ZNF654: variants seen among roughly 807,000 people sequenced by gnomAD.
ZNF654 encodes melanoma-associated antigen.
ZNF654 carries 19 observed loss-of-function variants against 95.3 expected under a neutral mutation model. The ratio of observed to expected loss-of-function variants is 0.20; its 90% CI spans 0.14 to 0.29. The LOEUF (loss-of-function observed/expected upper bound fraction) is 0.29. Ranked by LOEUF, ZNF654 falls within the 10% of genes least tolerant of loss-of-function variation. ZNF654 has a pLI of 1.00. For synonymous variants in ZNF654, 413 were observed against 457.9 expected, an observed-to-expected ratio of 0.90 and a Z score of 1.25; for missense variants, 1,046 against 1,341.0, an observed-to-expected ratio of 0.78 and a Z score of 3.44.
At chr3:88,125,711 T>C (rs1216266830) in intron 3 of ZNF654, among the ~76,000 whole-genome samples, 1 of 152,190 alleles carries the variant, frequency 6.6e-6, no homozygotes, top group Non-Finnish European at 1.5e-5. Context: ...AGAGAGACTT[T>C]ACATTTAGCA....
At chr3:88,130,592 A>C (rs1706393607) in intron 6 of ZNF654, among the ~76,000 whole-genome samples, 1 of 149,284 alleles carries the variant, frequency 6.7e-6, no homozygotes, top group South Asian at 2.1e-4. Context: ...CTGGGACTAC[A>C]GATGTGTGCA....
At chr3:88,133,650 C>A (rs887794891) in intron 6 of ZNF654, among the ~76,000 whole-genome samples, 2 of 152,014 alleles carry the variant, frequency 1.3e-5, no homozygotes, top group Admixed American at 1.3e-4. Context: ...GTTAGGAGTT[C>A]CTGAGATTCA....
chr3:88,129,777 GA>G lies in ZNF654; in HGVS notation c.846del (p.Glu282AspfsTer19). 6.5e-7 allele frequency: 1 copy of G among 1,527,726 alleles called. No homozygotes were observed. Among genetic ancestry groups the G allele is most frequent in the Non-Finnish European group, 8.8e-7 (1 of 1,141,202 alleles). 94.6% of individuals were successfully genotyped at this position (1,527,726 alleles called of 1,614,324 possible). ...AACTATGTTAGCCTTGCAACTCTGT[GA>G]ATCCTTTCTTATTCCACAGCTCCAG... ...GKTMLALQLC[E>X]SFLIPQLQNG... On this transcript the variant is annotated frameshift_variant, in exon 6 of 9. Transcript: ENST00000636215. LOFTEE classifies it high-confidence loss of function.
Position 88,086,360 on chromosome 3 carries a change from A to G in ZNF654, c.290A>G (p.Asp97Gly). 6.5e-7 allele frequency: 1 copy of G among 1,535,710 alleles called. No individual in the cohort carries two copies. The highest frequency in any genetic ancestry group is 8.7e-7 in the Non-Finnish European group (1 of 1,146,742). ...CFTTASASFP[D>G]ECEHVQYVLS... ...ACAACAGCCAGTGCATCATTCCCAG[A>G]TGAATGTGAGCATGTACAATATGTT... The change falls in exon 2 of 9, where the codon GAT becomes GGT. Residue 97 changes from aspartate to glycine, a missense_variant. This residue lies in a region of ZNF654 where 91 missense variants were observed against 190.5 expected (regional missense o/e 0.48). Coordinates refer to ENST00000636215, the MANE Select transcript of ZNF654 (RefSeq NM_001350134.2).
Position 88,144,041 on chromosome 3 carries a change from C to A in ZNF654, c.*2389C>A, listed in dbSNP as rs1476036259. 1 of 152,124 alleles carries A rather than the reference C, an allele frequency of 6.6e-6. No homozygotes were observed. Among genetic ancestry groups the A allele is most frequent in the Non-Finnish European group, 1.5e-5 (1 of 67,748 alleles). 9.4% of individuals were successfully genotyped at this position (152,124 alleles called of 1,614,324 possible). ...GAGGATGTATTCATCCTACATGGAC[C>A]AAGTTTCAAATCTTTGTTTTTAAAT... On this transcript the variant is annotated 3_prime_UTR_variant, in exon 9 of 9. Coordinates refer to ENST00000636215, the MANE Select transcript of ZNF654 (RefSeq NM_001350134.2).
At chr3:88,108,700 T>A (rs1257910335) in intron 2 of ZNF654, among the ~76,000 whole-genome samples, 4 of 152,128 alleles carry the variant, frequency 2.6e-5, no homozygotes, top group Admixed American at 1.3e-4. Flanking sequence ...TCACAGTGCT[T>A]GTGTTCAGGT....
intron 3 of ZNF654, among the ~76,000 whole-genome samples, chr3:88,124,951 C>G (rs1461356305): frequency 6.6e-6 from 1 of 152,096 alleles, no homozygotes; most frequent in African/African-American, 2.4e-5. Context: ...CACGGTGGCT[C>G]ACGCCTGTAA....
At chr3:88,134,025 G>A (rs551291337) in intron 6 of ZNF654, among the ~76,000 whole-genome samples, 115 of 151,670 alleles carry the variant, frequency 7.6e-4, no homozygotes, top group African/African-American at 2.7e-3. Context: ...ACCCAGGCAT[G>A]AAAACTGGAA....
chr3:88,106,034 A>G (rs1233006740), intron 2 of ZNF654, among the ~76,000 whole-genome samples: 1 of 152,188 alleles, frequency 6.6e-6, no homozygotes, highest in Non-Finnish European at 1.5e-5. Flanking sequence ...TCACCGTGCC[A>G]TCTTCTCAGA....
In ZNF654 at chr3:88,107,549, G is replaced by A. The variant is rs185138237; in HGVS notation, c.333-5566G>A. Among the ~76,000 whole-genome samples, 232 of 152,166 alleles carry A rather than the reference G, an allele frequency of 1.5e-3. 2 individuals carry two copies. Among genetic ancestry groups the A allele is most frequent in the East Asian group, 2.7e-3 (14 of 5,184 alleles). ...TGGATTTGGATTTTTCGTCAGTTGC[G>A]AAAAATTCTCGTCCAGTTAATGTCT... On this transcript the variant is annotated intron_variant, in intron 2 of 8. Coordinates refer to ENST00000636215, the MANE Select transcript of ZNF654 (RefSeq NM_001350134.2).
chr3:88,102,287 C>T (rs1704472158), intron 2 of ZNF654, among the ~76,000 whole-genome samples: 1 of 152,124 alleles, frequency 6.6e-6, no homozygotes, highest in South Asian at 2.1e-4. Flanking sequence ...GTGTTTTCTT[C>T]AGGGATGCTA....
chr3:88,122,802 G>T (rs112390903), intron 3 of ZNF654, among the ~76,000 whole-genome samples: 2,010 of 152,136 alleles, frequency 0.013, 36 homozygotes, highest in African/African-American at 0.045. Context: ...CTGAGGTGAG[G>T]AGTTCGATAC....
At chr3:88,131,619 T>C (rs1706469948) in intron 6 of ZNF654, among the ~76,000 whole-genome samples, 1 of 152,134 alleles carries the variant, frequency 6.6e-6, no homozygotes, top group African/African-American at 2.4e-5. Context: ...ATGCCTGTCT[T>C]CTGGCTCCTG....
intron 1 of ZNF654, among the ~76,000 whole-genome samples, chr3:88,060,398 C>A (rs540356666): frequency 6.6e-6 from 1 of 152,252 alleles, no homozygotes; most frequent in Non-Finnish European, 1.5e-5. Context: ...AGTTTGTGTA[C>A]TCTGCATTCT....
chr3:88,085,618 C>T (rs1708299313), intron 1 of ZNF654, among the ~76,000 whole-genome samples: 1 of 152,040 alleles, frequency 6.6e-6, no homozygotes, highest in Non-Finnish European at 1.5e-5. Flanking sequence ...ATAAATTACC[C>T]CAATTTGGCT....
chr3:88,118,445 G>A (rs184787496), intron 3 of ZNF654, among the ~76,000 whole-genome samples: 1 of 152,230 alleles, frequency 6.6e-6, no homozygotes, highest in Admixed American at 6.5e-5. Flanking sequence ...CCTTTGTGGG[G>A]CAAGTGTTGA....
chr3:88,070,020 A>T (rs1707417970), intron 1 of ZNF654, among the ~76,000 whole-genome samples: 1 of 152,186 alleles, frequency 6.6e-6, no homozygotes, highest in Non-Finnish European at 1.5e-5. Context: ...AAATTATAGA[A>T]TTTATTTTTA....
intron 6 of ZNF654, among the ~76,000 whole-genome samples, chr3:88,133,156 CT>C (rs1245776849): frequency 1.3e-5 from 2 of 152,128 alleles, no homozygotes; most frequent in East Asian, 1.9e-4. Context: ...TTTCCCGCCC[CT>C]GAATTAATAT....
Position 88,099,266 on chromosome 3 carries a change from A to C in ZNF654, c.332+12864A>C, listed in dbSNP as rs577002848. Among the ~76,000 whole-genome samples, 17 of 152,306 alleles carry C rather than the reference A, an allele frequency of 1.1e-4. No individual in the cohort carries two copies. The East Asian group carries it at 3.3e-3, about 29-fold the overall frequency. ...AGAGAATAAAATACCTAGGAATCCA[A>C]CTTACAAGGGATGTGAAGGACCTCT... On this transcript the variant is annotated intron_variant, in intron 2 of 8. Transcript: ENST00000636215.
Sources: allele counts gnomAD v4.1 joint callset (sites outside exome capture counted in the v4.1 genomes callset), GRCh38; gene constraint gnomAD v4.1.1; regional missense constraint gnomAD v4.1.1; transcripts MANE v1.5; gene names NCBI Gene and HGNC (gene_info 2026-07-23, HGNC 2026-07-21).